The following PIP5K1B variants were observed in gnomAD, a reference collection of about 807,000 sequenced individuals.
PIP5K1B encodes phosphatidylinositol-4-phosphate 5-kinase type 1 beta, also known as phosphatidylinositol 4-phosphate 5-kinase type-1 beta.
A neutral mutation model predicts 67.0 loss-of-function variants in PIP5K1B; 42 were observed. The observed-to-expected ratio is 0.63, with a 90% CI of 0.49 to 0.81. The LOEUF (loss-of-function observed/expected upper bound fraction) is 0.81, where lower values mean the gene tolerates loss of function less well. PIP5K1B is among the 30% of genes least tolerant of loss of function. The pLI, the probability that PIP5K1B is intolerant of heterozygous loss-of-function variation, is 0.00. For missense variants in PIP5K1B, 459 were observed against 646.3 expected, an observed-to-expected ratio of 0.71 and a Z score of 3.14; for synonymous variants, 214 against 231.4, an observed-to-expected ratio of 0.92 and a Z score of 0.68.
chr9:68,886,793 T>G lies in PIP5K1B; in HGVS notation c.319-2188T>G, dbSNP rs970230766. ...GTTTCCTAACCCAACAGAGTGGTCC[T>G]CTGCTCCAGACCCTCCAATGGCTTT... is the stretch of plus-strand genomic sequence containing the variant. On this transcript the variant is annotated intron_variant, in intron 6 of 15. Transcript: ENST00000265382. 2.6e-5 allele frequency among the ~76,000 whole-genome samples: 4 copies of G among 152,184 alleles called. No homozygotes were observed. The East Asian group carries it at 7.7e-4, about 29-fold the overall frequency.
chr9:68,969,225 G>A (rs1337613448), intron 14 of PIP5K1B, among the ~76,000 whole-genome samples: 2 of 151,882 alleles, frequency 1.3e-5, no homozygotes, highest in African/African-American at 2.4e-5. Flanking sequence ...AAAATTAGCC[G>A]GGCATGGTGG....
chr9:68,977,145 A>G (rs765652924), intron 14 of PIP5K1B, among the ~76,000 whole-genome samples: 3 of 152,320 alleles, frequency 2.0e-5, no homozygotes, highest in Non-Finnish European at 1.5e-5. Context: ...ACTAATTATA[A>G]TGTTAGACTC....
chr9:68,836,262 TC>T (rs1834602893), intron 4 of PIP5K1B, among the ~76,000 whole-genome samples: 1 of 152,212 alleles, frequency 6.6e-6, no homozygotes, highest in Admixed American at 6.5e-5. Flanking sequence ...TGGAGACAAG[TC>T]TGTTCTCCCA....
intron 1 of PIP5K1B, among the ~76,000 whole-genome samples, chr9:68,726,627 G>A (rs1380096566): frequency 6.6e-6 from 1 of 152,198 alleles, no homozygotes; most frequent in African/African-American, 2.4e-5. Context: ...AAGAAAAAGT[G>A]TAGTTGGCAG....
intron 5 of PIP5K1B, among the ~76,000 whole-genome samples, chr9:68,870,055 T>A (rs1459354538): frequency 5.9e-5 from 9 of 152,182 alleles, no homozygotes; most frequent in Admixed American, 3.3e-4. Context: ...AGAAACTGAT[T>A]TCCTATTACT....
chr9:68,940,260 G>A (rs968091839), intron 13 of PIP5K1B, among the ~76,000 whole-genome samples: 2 of 152,128 alleles, frequency 1.3e-5, no homozygotes, highest in African/African-American at 4.8e-5. Context: ...ATCACAGGGA[G>A]GGCAAAAAGG....
chr9:68,843,491 ACAAGTATTTC>A (rs1822025858), intron 4 of PIP5K1B, among the ~76,000 whole-genome samples: 2 of 152,252 alleles, frequency 1.3e-5, no homozygotes, highest in East Asian at 3.8e-4. Flanking sequence ...GGATACAGAC[ACAAGTATTTC>A]CAATCATGCT....
At chr9:68,987,765 G>A (rs957056893) in intron 14 of PIP5K1B, among the ~76,000 whole-genome samples, 7 of 152,104 alleles carry the variant, frequency 4.6e-5, no homozygotes, top group African/African-American at 1.7e-4. Context: ...AGTGGCGAGG[G>A]AGAATGAGAG....
chr9:68,757,369 T>C (rs1422964934), intron 2 of PIP5K1B, among the ~76,000 whole-genome samples: 1 of 152,184 alleles, frequency 6.6e-6, no homozygotes, highest in Non-Finnish European at 1.5e-5. Context: ...TTGGCATTAC[T>C]GGCCAAGGTA....
chr9:68,771,045 A>C (rs1329401074), intron 2 of PIP5K1B, among the ~76,000 whole-genome samples: 1 of 152,132 alleles, frequency 6.6e-6, no homozygotes, highest in Admixed American at 6.6e-5. Flanking sequence ...GTTAAAGAGG[A>C]ATCTAGAGAC....
chr9:68,718,685 T>C (rs1827742371), intron 1 of PIP5K1B, among the ~76,000 whole-genome samples: 1 of 152,244 alleles, frequency 6.6e-6, no homozygotes, highest in African/African-American at 2.4e-5. Context: ...TGTCCCTGAT[T>C]CTTTAAAAGA....
chr9:68,874,930 G>T (rs778535781), intron 5 of PIP5K1B, among the ~76,000 whole-genome samples: 20 of 152,092 alleles, frequency 1.3e-4, no homozygotes, highest in Non-Finnish European at 2.4e-4. Context: ...ATTTCTATAT[G>T]ATCTACATTT....
At chr9:68,745,229 G>A (rs559479221) in intron 2 of PIP5K1B, among the ~76,000 whole-genome samples, 88 of 152,276 alleles carry the variant, frequency 5.8e-4, no homozygotes, top group African/African-American at 2.1e-3. Flanking sequence ...GGAGGGGCAG[G>A]TACTCTTATC....
rs138650846 is a variant in PIP5K1B, at chr9:68,928,564, T to C, written c.1201+5178T>C. On this transcript the variant is annotated intron_variant, in intron 12 of 15. Coordinates refer to ENST00000265382, the MANE Select transcript of PIP5K1B (RefSeq NM_003558.4). The stretch of plus-strand genomic sequence containing the variant: ...TCTATGTTGTATTCATTTTGGTGTA[T>C]GAAGTGAGGGAGATCTAACCTTGTT... Among the ~76,000 whole-genome samples, 101 of 152,348 alleles carry C rather than the reference T, an allele frequency of 6.6e-4. 1 individual carries two copies. The highest frequency in any genetic ancestry group is 2.4e-3 in the African/African-American group (98 of 41,584).
chr9:68,739,921 C>G (rs1348246001), intron 1 of PIP5K1B: 1 of 152,256 alleles, frequency 6.6e-6, no homozygotes, highest in African/African-American at 2.4e-5. Context: ...TATTATGCTC[C>G]TGGTTAGCAC....
At position 68,803,404 on chromosome 9, in the gene PIP5K1B, C is replaced by T. The variant is rs530393048; in HGVS notation, c.-85-15057C>T. Among the ~76,000 whole-genome samples the T allele has an allele frequency of 4.9e-4, 75 of 152,154 alleles. 2 individuals carry two copies. The South Asian group carries it at 0.015, about 29-fold the overall frequency. The stretch of plus-strand genomic sequence containing the variant: ...CAGAAGCAGTGAGAAGAAAAGAATT[C>T]GGAAGACCATGAGGAACAGGAACAT... On this transcript the variant is annotated intron_variant, in intron 2 of 15. Coordinates refer to ENST00000265382, the MANE Select transcript of PIP5K1B (RefSeq NM_003558.4).
At chr9:68,947,533 G>C (rs1376799923) in intron 14 of PIP5K1B, among the ~76,000 whole-genome samples, 1 of 152,104 alleles carries the variant, frequency 6.6e-6, no homozygotes, top group African/African-American at 2.4e-5. Flanking sequence ...AGTTGAGATA[G>C]GATAAAAACA....
At chr9:68,924,611 T>G (rs1826590557) in intron 12 of PIP5K1B, among the ~76,000 whole-genome samples, 1 of 152,016 alleles carries the variant, frequency 6.6e-6, no homozygotes, top group Non-Finnish European at 1.5e-5. Context: ...CTGTGGGAAG[T>G]TTTTAAGATA....
rs140531790 is a variant in PIP5K1B, at chr9:68,798,854, G to A, written c.-85-19607G>A. 7.2e-5 allele frequency among the ~76,000 whole-genome samples: 11 copies of A among 152,318 alleles called. 1 individual carries two copies. The highest frequency in any genetic ancestry group is 2.4e-4 in the African/African-American group (10 of 41,580). On this transcript the variant is annotated intron_variant, in intron 2 of 15. Coordinates refer to ENST00000265382, the MANE Select transcript of PIP5K1B (RefSeq NM_003558.4). ...ATTAGTCTAGGCAAGAGATATTGGTGACTGGGCTGAGGTGTAGCAATTAGG... is the reference window on the plus strand; with the variant it reads ...ATTAGTCTAGGCAAGAGATATTGGTAACTGGGCTGAGGTGTAGCAATTAGG...
Sources: gnomAD v4.1 joint callset for allele counts (sites outside exome capture counted in the v4.1 genomes callset) on GRCh38, gnomAD v4.1.1 for gene constraint, MANE v1.5 for transcripts, NCBI Gene and HGNC (gene_info 2026-07-23, HGNC 2026-07-21) for gene names.